The following PDCD11 variants were observed in gnomAD, a reference collection of about 807,000 sequenced individuals.
PDCD11 encodes programmed cell death 11.
PDCD11 carries 97 observed loss-of-function variants against 198.9 expected under a neutral mutation model. The ratio of observed to expected loss-of-function variants is 0.49; its 90% CI spans 0.41 to 0.58. The LOEUF (loss-of-function observed/expected upper bound fraction) is 0.58. PDCD11 is among the 20% of genes least tolerant of loss of function. The pLI, the probability that PDCD11 is intolerant of heterozygous loss-of-function variation, is 0.00. For synonymous variants in PDCD11, 893 were observed against 918.0 expected (o/e 0.97, Z 0.49); for missense variants, 2,102 against 2,312.7 (o/e 0.91, Z 1.87).
intron 1 of PDCD11, among the ~76,000 whole-genome samples, chr10:103,397,165 C>A (rs1236759087): frequency 2.0e-5 from 3 of 151,752 alleles, no homozygotes; most frequent in Non-Finnish European, 4.4e-5. Flanking sequence ...TTCACTTATA[C>A]CCAGTTCTGG....
chr10:103,405,367 C>A, intron 5 of PDCD11, 184 bp downstream of exon 5: 2 of 525,554 alleles, frequency 3.8e-6, no homozygotes, highest in East Asian at 3.3e-5. Flanking sequence ...TGAACCTAAT[C>A]ATTACATTGG....
chr10:103,419,791 CT>C (rs2031321923), intron 16 of PDCD11, 83 bp downstream of exon 16: 1 of 1,233,012 alleles, frequency 8.1e-7, no homozygotes, highest in African/African-American at 1.5e-5. Flanking sequence ...GAGTAGGATA[CT>C]TTATTCCTTT....
intron 26 of PDCD11, among the ~76,000 whole-genome samples, 188 bp from the exon 27 acceptor site, chr10:103,438,498 G>A (rs554424211): frequency 3.3e-5 from 5 of 152,294 alleles, no homozygotes; most frequent in Admixed American, 6.5e-5. Flanking sequence ...ACATAGCTGG[G>A]CCCCAGGCAC....
chr10:103,424,914 C>T, intron 19 of PDCD11, 70 bp from the exon 20 acceptor site: 1 of 1,550,652 alleles, frequency 6.4e-7, no homozygotes, highest in Non-Finnish European at 8.8e-7. Flanking sequence ...CACACCCTGC[C>T]CAGTGGGGCC....
At chr10:103,422,361 G>A (rs1469967648) in intron 17 of PDCD11, among the ~76,000 whole-genome samples, 3 of 151,600 alleles carry the variant, frequency 2.0e-5, no homozygotes, top group Non-Finnish European at 2.9e-5. Flanking sequence ...GATTACAGGC[G>A]TGAGCCACTG....
Position 103,444,250 on chromosome 10 carries a change from A to C in PDCD11, c.5278+182A>C, listed in dbSNP as rs2032507470. The stretch of plus-strand genomic sequence containing the variant: ...TAAATTTCAAATGTCAGGCTCCAAA[A>C]GATGGAGGAACAAAACGCAGTTAGT... On this transcript the variant is annotated intron_variant, in intron 34 of 35. Transcript: ENST00000369797. 7.7e-6 allele frequency: 5 copies of C among 648,170 alleles called. No homozygotes were observed. The East Asian group carries it at 1.4e-4, about 18-fold the overall frequency. The allele number at this position is 648,170 out of a possible 1,614,324, so 40.2% of individuals were successfully genotyped here.
chr10:103,413,662 T>G (rs1240264123), intron 9 of PDCD11, among the ~76,000 whole-genome samples: 1 of 152,204 alleles, frequency 6.6e-6, no homozygotes, highest in South Asian at 2.1e-4. Context: ...GCTGCTGTTA[T>G]GGCATGAAAG....
intron 17 of PDCD11, 53 bp from the exon 18 acceptor site, chr10:103,422,935 C>G (rs1454794594): frequency 7.2e-7 from 1 of 1,395,498 alleles, no homozygotes; most frequent in Non-Finnish European, 9.4e-7. Context: ...AGGAAAAGAA[C>G]AGTGAGAGTT....
intron 25 of PDCD11, among the ~76,000 whole-genome samples, chr10:103,435,805 G>T (rs951414068): frequency 3.3e-5 from 5 of 152,174 alleles, no homozygotes; most frequent in African/African-American, 1.2e-4. Context: ...GAGCCACGGT[G>T]CCTGGCCCTT....
chr10:103,412,790 G>GGTTC (rs1350165487), intron 8 of PDCD11, among the ~76,000 whole-genome samples: 3 of 152,140 alleles, frequency 2.0e-5, no homozygotes, highest in African/African-American at 7.2e-5. Flanking sequence ...GTTGAGACAG[G>GGTTC]GTTTCACTAT....
chr10:103,441,128 C>T (rs1210434435), intron 30 of PDCD11, among the ~76,000 whole-genome samples: 1 of 152,158 alleles, frequency 6.6e-6, no homozygotes, highest in Non-Finnish European at 1.5e-5. Context: ...AGCCTGCATC[C>T]TCCAAAAGAT....
At chr10:103,426,314 A>G (rs561655202) in intron 20 of PDCD11, among the ~76,000 whole-genome samples, 6 of 152,348 alleles carry the variant, frequency 3.9e-5, no homozygotes, top group Admixed American at 3.9e-4. Flanking sequence ...TGCTATAACA[A>G]GAACAGCAAA....
At chr10:103,433,867 C>T in intron 22 of PDCD11, 81 bp from the exon 23 acceptor site, 2 of 1,086,900 alleles carry the variant, frequency 1.8e-6, no homozygotes, top group Non-Finnish European at 1.4e-6. Context: ...GCCCTTTCCA[C>T]CTTGTGGTTT....
intron 3 of PDCD11, among the ~76,000 whole-genome samples, chr10:103,402,627 C>T (rs562742651): frequency 2.0e-5 from 3 of 152,060 alleles, no homozygotes; most frequent in Non-Finnish European, 4.4e-5. Flanking sequence ...TTAGTAGAGA[C>T]GGGGTTTTGC....
rs1001716709 is a variant in PDCD11, at chr10:103,440,286, A to T, written c.4149-4A>T. The T allele has an allele frequency of 6.2e-6, 10 of 1,610,968 alleles. No individual in the cohort carries two copies. The African/African-American group carries it at 1.3e-4, about 22-fold the overall frequency. ...CTTTACCTCCCCATCTTGCTCTGTC[A>T]TAGCCTTAACCACCAGAAGAACCTG... On this transcript the variant is annotated splice_polypyrimidine_tract_variant and splice_region_variant and intron_variant, in intron 28 of 35. Coordinates refer to ENST00000369797, the MANE Select transcript of PDCD11 (RefSeq NM_014976.2).
intron 33 of PDCD11, 113 bp downstream of exon 33, chr10:103,443,446 G>C: frequency 1.1e-6 from 1 of 886,396 alleles, no homozygotes; most frequent in East Asian, 2.8e-5. Context: ...CCAACATCGG[G>C]GCCCCAACTT....
At chr10:103,432,261 A>G (rs1393604845) in intron 22 of PDCD11, 27 bp downstream of exon 22, 1 of 1,427,756 alleles carries the variant, frequency 7.0e-7, no homozygotes, top group South Asian at 1.1e-5. Context: ...CTCGGCAATG[A>G]GATGTCATTC....
rs757023916 is a variant in PDCD11 at position 103,421,485 on chromosome 10, G to A, written c.2415G>A (p.Gly805=). Residue 805 remains glycine (G), a synonymous_variant, in exon 17 of 36, where the codon GGG becomes GGA. Coordinates refer to ENST00000369797, the MANE Select transcript of PDCD11 (RefSeq NM_014976.2). ...LSLRLSDCGL[G]DLAITSLLLL... is the part of the protein sequence containing the mutation. ...TGCGGCTGTCGGACTGTGGTCTGGGGGACTTGGCTATCACCAGCCTCCTCC... is the reference window on the plus strand; with the variant it reads ...TGCGGCTGTCGGACTGTGGTCTGGGAGACTTGGCTATCACCAGCCTCCTCC... The A allele has an allele frequency of 2.5e-6, 4 of 1,597,852 alleles. No homozygotes were observed. The African/African-American group carries it at 5.3e-5, about 21-fold the overall frequency.
At chr10:103,423,245 G>C (rs1299331764) in intron 18 of PDCD11, 108 bp downstream of exon 18, 2 of 1,202,772 alleles carry the variant, frequency 1.7e-6, no homozygotes, top group Non-Finnish European at 1.1e-6. Flanking sequence ...GAGTTGATTC[G>C]GTAGAGATTT....
Sources: allele counts gnomAD v4.1 joint callset (sites outside exome capture counted in the v4.1 genomes callset), GRCh38; gene constraint gnomAD v4.1.1; transcripts MANE v1.5; gene names NCBI Gene and HGNC (gene_info 2026-07-23, HGNC 2026-07-21).